TLX1: variants seen among roughly 807,000 people sequenced by gnomAD.
TLX1 encodes T-cell leukemia homeobox protein 1.
TLX1 carries 6 observed loss-of-function variants against 26.5 expected under a neutral mutation model. That is an observed-to-expected ratio of 0.23 (90% CI 0.12 to 0.45). The LOEUF (loss-of-function observed/expected upper bound fraction) is 0.45. Ranked by LOEUF, TLX1 falls within the 20% of genes least tolerant of loss-of-function variation. TLX1 has a pLI of 0.99. For missense variants in TLX1, 418 were observed against 482.6 expected, an observed-to-expected ratio of 0.87 and a Z score of 1.25; for synonymous variants, 217 against 219.7, an observed-to-expected ratio of 0.99 and a Z score of 0.11.
At position 101,137,046 on chromosome 10, in the gene TLX1, A is replaced by C; in HGVS notation, c.*133A>C. 8.5e-7 allele frequency: 1 copy of C among 1,173,734 alleles called. No homozygotes were observed. The highest frequency in any genetic ancestry group is 1.2e-6 in the Non-Finnish European group (1 of 852,898). 72.7% of individuals were successfully genotyped at this position (1,173,734 alleles called of 1,614,324 possible). ...GAACACTGCCCTCGCACGGCCCCGA[A>C]GGGCCCCCACATTTGTGCCGACACT... is the stretch of plus-strand genomic sequence containing the variant. On this transcript the variant is annotated 3_prime_UTR_variant, in exon 3 of 3. Coordinates refer to ENST00000370196, the MANE Select transcript of TLX1 (RefSeq NM_005521.4).
rs1224102033 is a variant in TLX1 at position 101,137,432 on chromosome 10, A to T, written c.*519A>T. On this transcript the variant is annotated 3_prime_UTR_variant, in exon 3 of 3. Transcript: ENST00000370196. ...CCAGACAGAGGGTCACAGTGTTTAC[A>T]CTTTGGACCTTACGATCAGGCACAG... The T allele has an allele frequency of 6.7e-5, 17 of 251,880 alleles. No homozygotes were observed. The allele number at this position is 251,880 out of a possible 1,614,324, so 15.6% of individuals were successfully genotyped here.
rs993130458 is a variant in TLX1, at chr10:101,132,703, A to G, written c.568+594A>G. The G allele has an allele frequency of 1.3e-5, 2 of 150,782 alleles. No individual in the cohort carries two copies. The highest frequency in any genetic ancestry group is 4.9e-5 in the African/African-American group (2 of 40,802). 9.3% of individuals were successfully genotyped at this position (150,782 alleles called of 1,614,324 possible). ...AGCAGGCTTCATCTGGGAGGATGGC[A>G]GCGGGGCTTAGCCGCCCAGGACAGC... On this transcript the variant is annotated intron_variant, in intron 1 of 2. Coordinates refer to ENST00000370196, the MANE Select transcript of TLX1 (RefSeq NM_005521.4). This position sits in a 1 kb window ranked among gnomAD's most constrained non-coding sequence, Gnocchi z 4.1.
chr10:101,135,135 G>A (rs1436381437), intron 2 of TLX1, among the ~76,000 whole-genome samples: 1 of 151,618 alleles, frequency 6.6e-6, no homozygotes, highest in African/African-American at 2.4e-5. Flanking sequence ...CTCCCTCTCC[G>A]CGCGCACTGA....
intron 2 of TLX1, among the ~76,000 whole-genome samples, chr10:101,135,840 A>G (rs1007563240): frequency 6.6e-6 from 1 of 152,238 alleles, no homozygotes; most frequent in Non-Finnish European, 1.5e-5. Flanking sequence ...ATAAGACACA[A>G]AGCCTAAAAG....
chr10:101,132,207 G>T lies in TLX1; in HGVS notation c.568+98G>T, dbSNP rs191190915. ...TCCCCAAAGCCGGTTCTGCGCTCCA[G>T]GTCGCCCAGCTCTTCTTGGTGCTTC... On this transcript the variant is annotated intron_variant, in intron 1 of 2. Coordinates refer to ENST00000370196, the MANE Select transcript of TLX1 (RefSeq NM_005521.4). The surrounding 1 kb of genome is among the most constrained non-coding windows in gnomAD (Gnocchi z 4.1). 523 of 1,113,914 alleles carry T rather than the reference G, an allele frequency of 4.7e-4. 2 individuals are homozygous for T. In the African/African-American group the frequency reaches 7.6e-3, roughly 16 times the overall value. 69.0% of individuals were successfully genotyped at this position (1,113,914 alleles called of 1,614,324 possible).
rs112343556 is a variant in TLX1, at chr10:101,131,985, G to A, written c.444G>A (p.Gln148=). ...RPLAGAVAHP[Q]PLATGLPTVP... ...TCGCCGGAGCCGTGGCCCACCCCCA[G>A]CCCCTGGCCACCGGCTTGCCCACCG... The change falls in exon 1 of 3, where the codon CAG becomes CAA. Residue 148 remains glutamine, a synonymous_variant. Transcript: ENST00000370196. 8.2e-5 allele frequency: 125 copies of A among 1,523,590 alleles called. No homozygotes were observed. The highest frequency in any genetic ancestry group is 1.1e-4 in the Non-Finnish European group (121 of 1,143,542). The allele number at this position is 1,523,590 out of a possible 1,614,324, so 94.4% of individuals were successfully genotyped here.
Position 101,136,806 on chromosome 10 carries a change from C to T in TLX1, c.886C>T (p.Leu296=). ...GGCACAGCCGCTGCCCGCTGACCCT[C>T]TGTGCGTGCACAACTCGTCGCTCTT... is the stretch of plus-strand genomic sequence containing the variant. ...SLAQPLPADP[L]CVHNSSLFAL... Residue 296 remains leucine, a synonymous_variant, in exon 3 of 3, where the codon CTG becomes TTG. Coordinates refer to ENST00000370196, the MANE Select transcript of TLX1 (RefSeq NM_005521.4). The T allele has an allele frequency of 6.2e-7, 1 of 1,613,656 alleles. No individual in the cohort carries two copies. The highest frequency in any genetic ancestry group is 1.1e-5 in the South Asian group (1 of 91,084).
In TLX1 at chr10:101,134,252, C is replaced by A; in HGVS notation, c.646C>A (p.Leu216Met). Residue 216 changes from leucine (L) to methionine (M), a missense_variant, in exon 2 of 3, where the codon CTG becomes ATG. Physicochemically the swap from Leu to Met is conservative, Grantham distance 15. This residue lies in a region of TLX1 where 322 missense variants were observed against 344.6 expected (regional missense o/e 0.93). Transcript: ENST00000370196. ...CTTCACACGCCTGCAGATCTGCGAG[C>A]TGGAGAAGCGCTTCCACCGCCAGAA... Reference protein sequence around the residue: ...TSFTRLQICELEKRFHRQKYL... With the variant: ...TSFTRLQICEMEKRFHRQKYL... The A allele has an allele frequency of 1.2e-6, 2 of 1,611,816 alleles. No homozygotes were observed. The highest frequency in any genetic ancestry group is 8.5e-7 in the Non-Finnish European group (1 of 1,179,246).
chr10:101,136,946 CCACTCAGGGGT>C lies in TLX1; in HGVS notation c.*38_*48del. ...CATTCTGCCCTGTGGGACCCCAGGCCCACTCAGGGGTCACTGAGGCCTGAGACCCAGGACTC... is the reference window on the plus strand; with the variant it reads ...CATTCTGCCCTGTGGGACCCCAGGCCCACTGAGGCCTGAGACCCAGGACTC... On this transcript the variant is annotated 3_prime_UTR_variant, in exon 3 of 3. Transcript: ENST00000370196. The C allele has an allele frequency of 6.2e-7, 1 of 1,608,698 alleles. No individual in the cohort carries two copies. The highest frequency in any genetic ancestry group is 8.5e-7 in the Non-Finnish European group (1 of 1,176,648).
Position 101,132,636 on chromosome 10 carries a change from G to C in TLX1, c.568+527G>C, listed in dbSNP as rs1365640317. 3.4e-5 allele frequency: 5 copies of C among 146,078 alleles called. No homozygotes were observed. Among genetic ancestry groups the C allele is most frequent in the African/African-American group, 1.3e-4 (5 of 39,522 alleles). 9.0% of individuals were successfully genotyped at this position (146,078 alleles called of 1,614,324 possible). A position where few individuals can be genotyped will look rare whatever the true frequency, so the allele number is the denominator to read the frequency against. ...GGGCCAGTGGGGGCTCTGAGCCCCG[G>C]TAAATCAGCAGAACCAGTGGCCTTT... On this transcript the variant is annotated intron_variant, in intron 1 of 2. Coordinates refer to ENST00000370196, the MANE Select transcript of TLX1 (RefSeq NM_005521.4). The surrounding 1 kb of genome is among the most constrained non-coding windows in gnomAD (Gnocchi z 4.1).
At chr10:101,136,633 G>T in intron 2 of TLX1, 58 bp from the exon 3 acceptor site, 1 of 1,611,978 alleles carries the variant, frequency 6.2e-7, no homozygotes. Flanking sequence ...CCAGGAGTTG[G>T]GCACACGCGG....
chr10:101,133,925 A>G (rs1185965281), intron 1 of TLX1, among the ~76,000 whole-genome samples: 2 of 152,160 alleles, frequency 1.3e-5, no homozygotes, highest in Admixed American at 6.5e-5. Flanking sequence ...GGGGCCAGGG[A>G]GGCCTCCGTG....
intron 1 of TLX1, 106 bp from the exon 2 acceptor site, chr10:101,134,069 G>T: frequency 3.8e-6 from 4 of 1,050,732 alleles, no homozygotes; most frequent in Non-Finnish European, 5.5e-6. Flanking sequence ...TGACTCGCGG[G>T]GTGTTGGGCC....
rs1564676611 is a variant in TLX1 at position 101,134,195 on chromosome 10, A to G, written c.589A>G (p.Thr197Ala). The change falls in exon 2 of 3, where the codon ACG (threonine) becomes GCG (alanine). Residue 197 changes from threonine (T) to alanine (A), a missense_variant. This residue lies in a region of TLX1 where 322 missense variants were observed against 344.6 expected (regional missense o/e 0.93). Transcript: ENST00000370196. Reference protein sequence around the residue: ...RFTGHPYQNRTPPKKKKPRTS... With the variant: ...RFTGHPYQNRAPPKKKKPRTS... ...TATAGGTCACCCCTATCAGAACCGG[A>G]CGCCCCCCAAGAAGAAGAAGCCGCG... The G allele has an allele frequency of 6.2e-7, 1 of 1,606,442 alleles. No homozygotes were observed. Among genetic ancestry groups the G allele is most frequent in the East Asian group, 2.2e-5 (1 of 44,482 alleles).
At position 101,136,672 on chromosome 10, in the gene TLX1, C is replaced by CTCCT; in HGVS notation, c.771-19_771-18insTCCT. 1 of 1,612,550 alleles carries CTCCT rather than the reference C, an allele frequency of 6.2e-7. No homozygotes were observed. Among genetic ancestry groups the CTCCT allele is most frequent in the Non-Finnish European group, 8.5e-7 (1 of 1,179,896 alleles). On this transcript the variant is annotated intron_variant, in intron 2 of 2. Coordinates refer to ENST00000370196, the MANE Select transcript of TLX1 (RefSeq NM_005521.4). Reference sequence around the variant, plus strand: ...CTGGGTCGGTGCTCCTGGCAGGTAACGGCTTGTTCCCGGTGCAGACGGCAG... The same window carrying CTCCT: ...CTGGGTCGGTGCTCCTGGCAGGTAACTCCTGGCTTGTTCCCGGTGCAGACGGCAG...
chr10:101,132,135 C>A lies in TLX1; in HGVS notation c.568+26C>A. 3 of 1,331,580 alleles carry A rather than the reference C, an allele frequency of 2.3e-6. No homozygotes were observed. Among genetic ancestry groups the A allele is most frequent in the Non-Finnish European group, 2.9e-6 (3 of 1,042,732 alleles). 82.5% of individuals were successfully genotyped at this position (1,331,580 alleles called of 1,614,324 possible). On this transcript the variant is annotated intron_variant, in intron 1 of 2. Coordinates refer to ENST00000370196, the MANE Select transcript of TLX1 (RefSeq NM_005521.4). This position sits in a 1 kb window ranked among gnomAD's most constrained non-coding sequence, Gnocchi z 4.1. Reference sequence around the variant, plus strand: ...GTGAGTCCGGCCCGCGCGCTCCCCGCCTGGCCGCGGCCCGGGCTCCGTGCT... The same window carrying A: ...GTGAGTCCGGCCCGCGCGCTCCCCGACTGGCCGCGGCCCGGGCTCCGTGCT...
chr10:101,134,492 CG>C, intron 2 of TLX1, 116 bp downstream of exon 2: 1 of 1,207,980 alleles, frequency 8.3e-7, no homozygotes, highest in Non-Finnish European at 1.1e-6. Flanking sequence ...CTGATCCTTT[CG>C]GAGGAGCGAG....
rs192731952 is a variant in TLX1, at chr10:101,135,930, G to T, written c.771-761G>T. ...AAGATACACAGAGTCAAGAAAAGGCGGCCCAGAGCAGGTCAGCAGCCGCTG... is the reference window on the plus strand; with the variant it reads ...AAGATACACAGAGTCAAGAAAAGGCTGCCCAGAGCAGGTCAGCAGCCGCTG... On this transcript the variant is annotated intron_variant, in intron 2 of 2. Transcript: ENST00000370196. 2.8e-3 allele frequency among the ~76,000 whole-genome samples: 434 copies of T among 152,294 alleles called. 6 individuals are homozygous for T. The highest frequency in any genetic ancestry group is 9.9e-3 in the African/African-American group (413 of 41,546).
At chr10:101,134,075 G>C in intron 1 of TLX1, 100 bp from the exon 2 acceptor site, 1 of 1,160,934 alleles carries the variant, frequency 8.6e-7, no homozygotes, top group Non-Finnish European at 1.2e-6. Flanking sequence ...GCGGGGTGTT[G>C]GGCCTGGGAC....
Sources: allele counts gnomAD v4.1 joint callset (sites outside exome capture counted in the v4.1 genomes callset), GRCh38; gene constraint gnomAD v4.1.1; regional missense constraint gnomAD v4.1.1; non-coding constraint Gnocchi (gnomAD v3.1); transcripts MANE v1.5; gene names NCBI Gene and HGNC (gene_info 2026-07-23, HGNC 2026-07-21).